CLASP2: variants seen among roughly 807,000 people sequenced by gnomAD.
CLASP2 encodes CLIP-associating protein 2.
CLASP2 carries 47 observed loss-of-function variants against 194.4 expected under a neutral mutation model. The observed-to-expected ratio is 0.24, with a 90% CI of 0.19 to 0.31. The LOEUF is 0.31. Among genes scored for constraint, CLASP2 ranks in the 10% least tolerant of loss-of-function variants. The pLI is 1.00. For synonymous variants in CLASP2, 619 were observed against 633.5 expected, an observed-to-expected ratio of 0.98 and a Z score of 0.34; for missense variants, 1,445 against 1,823.6, an observed-to-expected ratio of 0.79 and a Z score of 3.78.
chr3:33,646,828 A>G (rs1422770276), intron 7 of CLASP2, among the ~76,000 whole-genome samples: 9 of 152,244 alleles, frequency 5.9e-5, no homozygotes, highest in Middle Eastern at 3.2e-3. Context: ...GATTACCAGC[A>G]TCGTGTAAGT....
At chr3:33,650,474 T>C (rs1166812793) in intron 7 of CLASP2, among the ~76,000 whole-genome samples, 1 of 152,134 alleles carries the variant, frequency 6.6e-6, no homozygotes, top group Non-Finnish European at 1.5e-5. Flanking sequence ...GATAAGCATA[T>C]TAAAATATAT....
chr3:33,703,688 G>A (rs956090536), intron 1 of CLASP2, among the ~76,000 whole-genome samples: 13 of 152,286 alleles, frequency 8.5e-5, no homozygotes, highest in South Asian at 2.1e-4. Context: ...GTTTCACCAC[G>A]TTGCCCAAGC....
chr3:33,717,698 C>A, intron 1 of CLASP2, 110 bp downstream of exon 1: 1 of 1,183,836 alleles, frequency 8.4e-7, no homozygotes, highest in Non-Finnish European at 1.2e-6. Context: ...GTGTGTTTCC[C>A]CTCTTAAGCA....
At chr3:33,586,920 G>C (rs188400262) in intron 21 of CLASP2, among the ~76,000 whole-genome samples, 1 of 152,072 alleles carries the variant, frequency 6.6e-6, no homozygotes, top group African/African-American at 2.4e-5. Flanking sequence ...GATCAAGAGG[G>C]GGGGTGCCTG....
intron 27 of CLASP2, chr3:33,563,890 T>C: frequency 2.2e-6 from 1 of 456,240 alleles, no homozygotes; most frequent in South Asian, 1.5e-5. Flanking sequence ...CTCTTTATCC[T>C]TGAACACACC....
At chr3:33,662,479 G>A (rs2085456722) in intron 7 of CLASP2, among the ~76,000 whole-genome samples, 1 of 152,166 alleles carries the variant, frequency 6.6e-6, no homozygotes, top group Admixed American at 6.5e-5. Flanking sequence ...GGTGAGGACT[G>A]GTAGCACTGA....
At chr3:33,506,550 G>A (rs748749518) in intron 37 of CLASP2, among the ~76,000 whole-genome samples, 2 of 151,888 alleles carry the variant, frequency 1.3e-5, no homozygotes, top group Non-Finnish European at 1.5e-5. Context: ...CAAAAAAGTT[G>A]ATTCTATTCA....
intron 6 of CLASP2, among the ~76,000 whole-genome samples, chr3:33,668,586 T>C (rs570730722): frequency 6.6e-6 from 1 of 152,340 alleles, no homozygotes; most frequent in South Asian, 2.1e-4. Flanking sequence ...ACGCTTTAAC[T>C]TACAGAAGTT....
chr3:33,574,253 T>A (rs1474121455), intron 24 of CLASP2, among the ~76,000 whole-genome samples: 3 of 152,088 alleles, frequency 2.0e-5, no homozygotes, highest in Non-Finnish European at 4.4e-5. Flanking sequence ...AATGACCTCA[T>A]TTAATTTGTA....
At chr3:33,608,800 T>G (rs1419199306) in intron 13 of CLASP2, among the ~76,000 whole-genome samples, 174 bp from the exon 14 acceptor site, 1 of 143,374 alleles carries the variant, frequency 7.0e-6, no homozygotes, top group Middle Eastern at 3.6e-3. Context: ...TTGCCCAGGC[T>G]GGAGTGCAGT....
At chr3:33,713,257 T>C (rs1293548924) in intron 1 of CLASP2, among the ~76,000 whole-genome samples, 12 of 152,164 alleles carry the variant, frequency 7.9e-5, no homozygotes, top group Admixed American at 6.5e-4. Context: ...TCAGATATTA[T>C]CTATAAATTT....
At chr3:33,512,421 G>C (rs1170715031) in intron 36 of CLASP2, among the ~76,000 whole-genome samples, 1 of 27,406 alleles carries the variant, frequency 3.6e-5, no homozygotes, top group Non-Finnish European at 6.5e-5. Context: ...GTCGGGGGAG[G>C]GGGGAGGGAT....
intron 29 of CLASP2, among the ~76,000 whole-genome samples, chr3:33,551,939 G>GTT (rs557274011): frequency 1.8e-4 from 24 of 131,290 alleles, no homozygotes; most frequent in Middle Eastern, 3.8e-3. Flanking sequence ...GGGCAATATA[G>GTT]TTTTTTTTTT....
chr3:33,598,811 T>C (rs927838465), intron 18 of CLASP2, among the ~76,000 whole-genome samples: 36 of 152,290 alleles, frequency 2.4e-4, no homozygotes, highest in African/African-American at 6.7e-4. Context: ...ATAAACTCAA[T>C]TGTTAGAATA....
chr3:33,670,805 T>C (rs776967293), intron 6 of CLASP2, among the ~76,000 whole-genome samples: 4 of 152,168 alleles, frequency 2.6e-5, no homozygotes, highest in Admixed American at 1.3e-4. Flanking sequence ...ATCACACTTT[T>C]TGAGTTTTAC....
intron 16 of CLASP2, among the ~76,000 whole-genome samples, chr3:33,604,465 C>T (rs1286470426): frequency 6.6e-6 from 1 of 151,908 alleles, no homozygotes; most frequent in Admixed American, 6.6e-5. Flanking sequence ...ACTATATGTG[C>T]CTGCCACCAA....
At chr3:33,532,136 G>A (rs1213026083) in intron 34 of CLASP2, among the ~76,000 whole-genome samples, 1 of 152,190 alleles carries the variant, frequency 6.6e-6, no homozygotes, top group East Asian at 1.9e-4. Context: ...TCCATCAGTG[G>A]ATGAATGGAT....
At chr3:33,716,599 CCTTT>C (rs1476752191) in intron 1 of CLASP2, among the ~76,000 whole-genome samples, 2 of 152,162 alleles carry the variant, frequency 1.3e-5, no homozygotes, top group South Asian at 2.1e-4. Flanking sequence ...TATGTATATG[CCTTT>C]CTTACAGAGT....
chr3:33,572,690 C>T lies in CLASP2; in HGVS notation c.2699+420G>A, dbSNP rs544971527. 1.7e-4 allele frequency among the ~76,000 whole-genome samples: 26 copies of T among 152,252 alleles called. No individual in the cohort carries two copies. In the South Asian group the frequency reaches 5.4e-3, roughly 32 times the overall value. On this transcript the variant is annotated intron_variant, in intron 25 of 38. Coordinates refer to ENST00000682230, the MANE Select transcript of CLASP2 (RefSeq NM_001365631.1). Reference sequence around the variant, plus strand: ...CAACTTTGTATTACACTAAAATTCACATATTACATGCACACTAAGAATATA... The same window carrying T: ...CAACTTTGTATTACACTAAAATTCATATATTACATGCACACTAAGAATATA...
Sources: allele counts gnomAD v4.1 joint callset (sites outside exome capture counted in the v4.1 genomes callset), GRCh38; gene constraint gnomAD v4.1.1; transcripts MANE v1.5; gene names NCBI Gene and HGNC (gene_info 2026-07-23, HGNC 2026-07-21).